Variants in MYH9 observed in about 807,000 individuals in gnomAD.
The protein encoded by MYH9 is myosin-9.
In MYH9, 29 loss-of-function variants were observed where a neutral mutation model predicts 241.9. The observed-to-expected ratio is 0.12, with a 90% confidence interval of 0.09 to 0.16. The LOEUF (loss-of-function observed/expected upper bound fraction) is 0.16, where lower values mean the gene tolerates loss of function less well. Ranked by LOEUF, MYH9 falls within the 10% of genes least tolerant of loss-of-function variation. The probability of loss-of-function intolerance (pLI) is 1.00; values close to 1 mark genes in which losing one functional copy is unlikely to be tolerated. For synonymous variants in MYH9, 1,047 were observed against 1,062.6 expected (o/e 0.99, Z 0.29); for missense variants, 1,803 against 2,595.5 (o/e 0.69, Z 6.63).
chr22:36,290,792 C>T (rs1157220770), intron 31 of MYH9, among the ~76,000 whole-genome samples: 21 of 150,938 alleles, frequency 1.4e-4, no homozygotes, highest in Non-Finnish European at 1.3e-4. Flanking sequence ...AGCGCCTCTG[C>T]CCCGCCGCCC....
At chr22:36,369,595 G>A (rs1044519566) in intron 1 of MYH9, among the ~76,000 whole-genome samples, 8 of 152,158 alleles carry the variant, frequency 5.3e-5, no homozygotes, top group Non-Finnish European at 8.8e-5. Context: ...CTGTCTACCC[G>A]ACAGGTCTCT....
intron 3 of MYH9, among the ~76,000 whole-genome samples, chr22:36,339,650 G>T (rs1416115067): frequency 6.6e-6 from 1 of 152,138 alleles, no homozygotes; most frequent in African/African-American, 2.4e-5. Flanking sequence ...CTAAACCAGG[G>T]ACAAAGTGGT....
chr22:36,317,658 A>C (rs2017179788), intron 11 of MYH9, among the ~76,000 whole-genome samples: 1 of 152,218 alleles, frequency 6.6e-6, no homozygotes, highest in Non-Finnish European at 1.5e-5. Context: ...AGAAACTAGA[A>C]ACCCCGGAGA....
At chr22:36,298,432 G>T (rs1005036915) in intron 24 of MYH9, among the ~76,000 whole-genome samples, 3 of 152,138 alleles carry the variant, frequency 2.0e-5, no homozygotes, top group African/African-American at 7.2e-5. Flanking sequence ...AGGACTTTAC[G>T]GTACATATGT....
chr22:36,381,597 C>A (rs903006514), intron 1 of MYH9, among the ~76,000 whole-genome samples: 17 of 151,982 alleles, frequency 1.1e-4, no homozygotes, highest in African/African-American at 4.1e-4. Context: ...ACCACCATTA[C>A]CAGGGTCTCA....
At chr22:36,375,276 A>G (rs941174667) in intron 1 of MYH9, among the ~76,000 whole-genome samples, 2 of 152,088 alleles carry the variant, frequency 1.3e-5, no homozygotes, top group Non-Finnish European at 2.9e-5. Flanking sequence ...CACTACTCAG[A>G]CAGGCACAGC....
Position 36,306,856 on chromosome 22 carries a change from A to C in MYH9, c.1844-249T>G, listed in dbSNP as rs911394631. 6.6e-6 allele frequency among the ~76,000 whole-genome samples: 1 copy of C among 152,068 alleles called. No individual in the cohort carries two copies. Among genetic ancestry groups the C allele is most frequent in the African/African-American group, 2.4e-5 (1 of 41,414 alleles). On this transcript the variant is annotated intron_variant, in intron 15 of 40. Transcript: ENST00000216181. This position sits in a 1 kb window ranked among gnomAD's most constrained non-coding sequence, Gnocchi z 4.1. ...GCCATGCATCTGCCATGGCCACCTC[A>C]CCTTCCTGTCACCTATCTTCAGCCA...
rs1046271127 is a variant in MYH9, at chr22:36,300,383, C to T, written c.2839-119G>A. 1 of 1,452,222 alleles carries T rather than the reference C, an allele frequency of 6.9e-7. No individual in the cohort carries two copies. 90.0% of individuals were successfully genotyped at this position (1,452,222 alleles called of 1,614,324 possible). On this transcript the variant is annotated intron_variant, in intron 22 of 40. Transcript: ENST00000216181. The surrounding 1 kb of genome is among the most constrained non-coding windows in gnomAD (Gnocchi z 5.0). ...GGAGAAAATAGCAAGGTCTGTGAGC[C>T]CAGGGCCATGGCTGAGGTGGGGACG... is the stretch of plus-strand genomic sequence containing the variant.
At chr22:36,321,974 C>A in intron 6 of MYH9, 153 bp from the exon 7 acceptor site, 1 of 724,684 alleles carries the variant, frequency 1.4e-6, no homozygotes. Flanking sequence ...GGCCAGGGGC[C>A]CCCTACGCCC....
Position 36,295,472 on chromosome 22 carries a change from C to T in MYH9, c.3485+33G>A. 1 of 1,596,136 alleles carries T rather than the reference C, an allele frequency of 6.3e-7. No individual in the cohort carries two copies. The highest frequency in any genetic ancestry group is 2.2e-5 in the East Asian group (1 of 44,784). The stretch of plus-strand genomic sequence containing the variant: ...AAGCCAAGGCCCCCCTGGCTGCCCT[C>T]CCCATCCCGAGGGACTTGGTCCCAG... On this transcript the variant is annotated intron_variant, in intron 26 of 40. Coordinates refer to ENST00000216181, the MANE Select transcript of MYH9 (RefSeq NM_002473.6). This position sits in a 1 kb window ranked among gnomAD's most constrained non-coding sequence, Gnocchi z 4.1.
chr22:36,301,028 C>A lies in MYH9; in HGVS notation c.2661G>T (p.Glu887Asp). The A allele has an allele frequency of 1.2e-6, 2 of 1,611,056 alleles. No homozygotes were observed. The highest frequency in any genetic ancestry group is 1.7e-6 in the Non-Finnish European group (2 of 1,180,030). ...ACAGCTCGGTTTCTGCCTGGAGCTG[C>A]TCCTGCAGCTGCAATTTCTCTGCCA... ...QLMAEKLQLQ[E>D]QLQAETELCA... The change falls in exon 22 of 41, where the codon GAG becomes GAT. Residue 887 changes from glutamate to aspartate, a missense_variant. Physicochemically the swap from Glu to Asp is conservative, Grantham distance 45. Coordinates refer to ENST00000216181, the MANE Select transcript of MYH9 (RefSeq NM_002473.6).
chr22:36,377,873 T>C (rs2018195543), intron 1 of MYH9, among the ~76,000 whole-genome samples: 1 of 152,060 alleles, frequency 6.6e-6, no homozygotes, highest in South Asian at 2.1e-4. Flanking sequence ...ATGGTGCCAC[T>C]GCAGTCCAGC....
At chr22:36,355,159 C>A (rs1254026028) in intron 1 of MYH9, among the ~76,000 whole-genome samples, 1 of 152,102 alleles carries the variant, frequency 6.6e-6, no homozygotes, top group Non-Finnish European at 1.5e-5. Flanking sequence ...CGGCTTCCTG[C>A]GGGTGCCAGT....
chr22:36,380,178 G>T (rs2018234515), intron 1 of MYH9, among the ~76,000 whole-genome samples: 1 of 152,158 alleles, frequency 6.6e-6, no homozygotes, highest in African/African-American at 2.4e-5. Context: ...GGGTCTTCCA[G>T]ACTTCACTCA....
At chr22:36,301,758 T>G (rs953301044) in intron 20 of MYH9, 93 bp from the exon 21 acceptor site, 4 of 1,545,576 alleles carry the variant, frequency 2.6e-6, no homozygotes, top group Non-Finnish European at 2.6e-6. Flanking sequence ...TCTGGAAACA[T>G]GAAAGTGAGG....
At chr22:36,337,077 T>G (rs1437691047) in intron 3 of MYH9, among the ~76,000 whole-genome samples, 1 of 151,498 alleles carries the variant, frequency 6.6e-6, no homozygotes, top group East Asian at 1.9e-4. Flanking sequence ...AGGCAGCCAC[T>G]ACTGATCGAT....
At chr22:36,315,044 A>G (rs954738991) in intron 12 of MYH9, among the ~76,000 whole-genome samples, 8 of 152,104 alleles carry the variant, frequency 5.3e-5, no homozygotes, top group African/African-American at 1.9e-4. Context: ...TCAGCCTTCC[A>G]AAGTGCTGGG....
At chr22:36,348,241 G>C (rs2045528574) in intron 2 of MYH9, among the ~76,000 whole-genome samples, 2 of 150,902 alleles carry the variant, frequency 1.3e-5, no homozygotes, top group African/African-American at 4.8e-5. Flanking sequence ...AGGTGCGGTG[G>C]CTCGCGCCTG....
chr22:36,374,811 AG>A (rs149288814), intron 1 of MYH9, among the ~76,000 whole-genome samples: 172 of 152,308 alleles, frequency 1.1e-3, no homozygotes, highest in African/African-American at 3.8e-3. Flanking sequence ...ACGTTTCACC[AG>A]CCCCAGGTGA....
Sources: gnomAD v4.1 joint callset for allele counts (sites outside exome capture counted in the v4.1 genomes callset) on GRCh38, gnomAD v4.1.1 for gene constraint, Gnocchi (gnomAD v3.1) non-coding constraint, MANE v1.5 for transcripts, NCBI Gene and HGNC (gene_info 2026-07-23, HGNC 2026-07-21) for gene names.